ETV6: variants seen among roughly 807,000 people sequenced by gnomAD.
The protein encoded by ETV6 is ETS variant transcription factor 6.
ETV6 carries 16 observed loss-of-function variants against 51.1 expected under a neutral mutation model. The ratio of observed to expected loss-of-function variants is 0.31; its 90% CI spans 0.21 to 0.48. The LOEUF is 0.48. Ranked by LOEUF, ETV6 falls within the 20% of genes least tolerant of loss-of-function variation. The pLI is 0.99. For missense variants in ETV6, 458 were observed against 594.8 expected (o/e 0.77, Z 2.39); for synonymous variants, 240 against 224.1 (o/e 1.07, Z -0.64).
At chr12:11,813,850 G>T (rs983546562) in intron 2 of ETV6, among the ~76,000 whole-genome samples, 2 of 151,968 alleles carry the variant, frequency 1.3e-5, no homozygotes, top group Non-Finnish European at 1.5e-5. Context: ...GTGGACATAG[G>T]ATTAACCACA....
chr12:11,839,012 G>A, intron 2 of ETV6, 128 bp from the exon 3 acceptor site: 1 of 1,009,170 alleles, frequency 9.9e-7, no homozygotes, highest in Non-Finnish European at 1.4e-6. Context: ...ACTCAGAGTT[G>A]AACATAAGGG....
intron 1 of ETV6, among the ~76,000 whole-genome samples, chr12:11,662,687 G>A (rs1215377055): frequency 6.6e-6 from 1 of 152,156 alleles, no homozygotes; most frequent in East Asian, 1.9e-4. Context: ...TTCTTATTTG[G>A]GTGCACTTTT....
intron 4 of ETV6, among the ~76,000 whole-genome samples, chr12:11,860,397 G>C (rs1430914363): frequency 8.5e-5 from 13 of 152,052 alleles, no homozygotes; most frequent in Admixed American, 7.9e-4. Flanking sequence ...CCGACTACCT[G>C]GGTTCTAATC....
chr12:11,793,687 C>T (rs1168407589), intron 2 of ETV6, among the ~76,000 whole-genome samples: 1 of 152,162 alleles, frequency 6.6e-6, no homozygotes, highest in Non-Finnish European at 1.5e-5. Context: ...TTTTGCCGCT[C>T]AGGAGGCAGG....
intron 3 of ETV6, among the ~76,000 whole-genome samples, chr12:11,852,371 C>T (rs909135273): frequency 3.3e-5 from 5 of 152,200 alleles, no homozygotes; most frequent in Non-Finnish European, 5.9e-5. Context: ...TGCCTGTGTG[C>T]ATTTTTAAAG....
chr12:11,847,091 A>G (rs993942589), intron 3 of ETV6, among the ~76,000 whole-genome samples: 4 of 152,156 alleles, frequency 2.6e-5, no homozygotes, highest in African/African-American at 7.2e-5. Context: ...TCTACGAGCA[A>G]TAGTTGTGAC....
At chr12:11,719,591 G>A (rs1865343569) in intron 1 of ETV6, among the ~76,000 whole-genome samples, 1 of 152,242 alleles carries the variant, frequency 6.6e-6, no homozygotes, top group Non-Finnish European at 1.5e-5. Context: ...TCTGAATAAA[G>A]ATGCATTTAT....
chr12:11,734,334 C>T (rs2120990211), intron 1 of ETV6, among the ~76,000 whole-genome samples: 1 of 152,104 alleles, frequency 6.6e-6, no homozygotes, highest in East Asian at 1.9e-4. Context: ...GAACTGGGCG[C>T]AGTGGTTCAT....
chr12:11,690,853 C>T (rs892811189), intron 1 of ETV6, among the ~76,000 whole-genome samples: 1 of 145,932 alleles, frequency 6.9e-6, no homozygotes, highest in East Asian at 2.0e-4. Flanking sequence ...TGCCACTGCA[C>T]TCCAGCCTGG....
intron 2 of ETV6, among the ~76,000 whole-genome samples, chr12:11,774,650 T>C (rs1351378135): frequency 6.6e-6 from 1 of 152,190 alleles, no homozygotes; most frequent in African/African-American, 2.4e-5. Flanking sequence ...AAAGATTATA[T>C]AAAACTCATA....
At chr12:11,846,056 A>C (rs1446121005) in intron 3 of ETV6, among the ~76,000 whole-genome samples, 1 of 152,088 alleles carries the variant, frequency 6.6e-6, no homozygotes, top group African/African-American at 2.4e-5. Context: ...CAGTCCCATT[A>C]CAGGAATGGG....
At chr12:11,831,178 T>G (rs1171011155) in intron 2 of ETV6, among the ~76,000 whole-genome samples, 1 of 152,056 alleles carries the variant, frequency 6.6e-6, no homozygotes, top group East Asian at 1.9e-4. Context: ...TTAGCTCAAT[T>G]TTTAAATAGT....
intron 2 of ETV6, among the ~76,000 whole-genome samples, chr12:11,776,251 C>G (rs1394979009): frequency 2.0e-5 from 3 of 152,140 alleles, no homozygotes; most frequent in Non-Finnish European, 4.4e-5. Context: ...CCCGTCACAG[C>G]AGCATTAAAA....
At chr12:11,700,714 T>C (rs61921765) in intron 1 of ETV6, among the ~76,000 whole-genome samples, 1 of 152,130 alleles carries the variant, frequency 6.6e-6, no homozygotes, top group African/African-American at 2.4e-5. Flanking sequence ...AAGTGGAGCA[T>C]CATAAAGGTC....
At chr12:11,683,606 A>G (rs746075660) in intron 1 of ETV6, among the ~76,000 whole-genome samples, 6 of 152,120 alleles carry the variant, frequency 3.9e-5, no homozygotes, top group Non-Finnish European at 7.4e-5. Context: ...ACATAGCTTC[A>G]TGGTACTAGG....
Position 11,869,654 on chromosome 12 carries a change from T to C in ETV6, c.694T>C (p.Ser232Pro). The C allele has an allele frequency of 6.2e-7, 1 of 1,612,924 alleles. No homozygotes were observed. Among genetic ancestry groups the C allele is most frequent in the Non-Finnish European group, 8.5e-7 (1 of 1,179,726 alleles). Residue 232 changes from serine to proline, a missense_variant, in exon 5 of 8, where the codon TCC (serine) becomes CCC (proline). Ser to Pro is a moderately conservative substitution (Grantham distance 74). Coordinates refer to ENST00000396373, the MANE Select transcript of ETV6 (RefSeq NM_001987.5). The surrounding 1 kb of genome is among the most constrained non-coding windows in gnomAD (Gnocchi z 5.0). Reference sequence around the variant, plus strand: ...GCACCAGGAGAACAACCACCAGGAGTCCTACCCTCTGTCAGTGTCTCCCAT... The same window carrying C: ...GCACCAGGAGAACAACCACCAGGAGCCCTACCCTCTGTCAGTGTCTCCCAT... ...RPHQENNHQE[S>P]YPLSVSPMEN... is the part of the protein sequence containing the mutation.
rs1443616132 is a variant in ETV6, at chr12:11,853,639, GTCT to G, written c.463+84_463+86del. On this transcript the variant is annotated intron_variant, in intron 4 of 7. Coordinates refer to ENST00000396373, the MANE Select transcript of ETV6 (RefSeq NM_001987.5). ...GTTTAATTGTTAACTTGATAAGCTG[GTCT>G]TCTTCGTGTAAGTTCACTTTTCATT... The G allele has an allele frequency of 1.3e-5, 20 of 1,520,382 alleles. No homozygotes were observed. In the East Asian group the frequency reaches 1.6e-4, roughly 12 times the overall value. 94.2% of individuals were successfully genotyped at this position (1,520,382 alleles called of 1,614,324 possible).
chr12:11,853,631 A>G, intron 4 of ETV6, 70 bp downstream of exon 4: 1 of 1,556,440 alleles, frequency 6.4e-7, no homozygotes, highest in South Asian at 1.1e-5. Context: ...TGTTAACTTG[A>G]TAAGCTGGTC....
chr12:11,844,883 G>A (rs1240333818), intron 3 of ETV6, among the ~76,000 whole-genome samples: 1 of 151,756 alleles, frequency 6.6e-6, no homozygotes, highest in Non-Finnish European at 1.5e-5. Flanking sequence ...CCAGGCTGGA[G>A]TGCAGTGCCG....
Sources: gnomAD v4.1 joint callset for allele counts (sites outside exome capture counted in the v4.1 genomes callset) on GRCh38, gnomAD v4.1.1 for gene constraint, Gnocchi (gnomAD v3.1) non-coding constraint, MANE v1.5 for transcripts, NCBI Gene and HGNC (gene_info 2026-07-23, HGNC 2026-07-21) for gene names.